The following CXCR5 variants were observed in gnomAD, a reference collection of about 807,000 sequenced individuals.
CXCR5 encodes C-X-C motif chemokine receptor 5.
Under a neutral mutation model 5.6 loss-of-function variants are expected in CXCR5, and 3 were observed. That is an observed-to-expected ratio of 0.54 (90% CI 0.24 to 1.39). The LOEUF is 1.39. Ranked by LOEUF, CXCR5 falls within the 40% of genes most tolerant of loss-of-function variation. The probability of loss-of-function intolerance (pLI) is 0.16; values close to 1 mark genes in which losing one functional copy is unlikely to be tolerated. For missense variants in CXCR5, 333 were observed against 494.6 expected (o/e 0.67, Z 3.10); for synonymous variants, 218 against 219.9 (o/e 0.99, Z 0.08).
chr11:118,891,007 T>G (rs979274165), intron 1 of CXCR5, among the ~76,000 whole-genome samples: 6 of 152,278 alleles, frequency 3.9e-5, no homozygotes, highest in East Asian at 3.9e-4. Flanking sequence ...AAGGCTGTAG[T>G]GTGCTATGGT....
At chr11:118,886,772 C>CTATA in intron 1 of CXCR5, 1 of 196,360 alleles carries the variant, frequency 5.1e-6, no homozygotes, top group Non-Finnish European at 1.1e-5. Context: ...GGGGAAGCTG[C>CTATA]TATAGCGCAC....
chr11:118,884,771 G>A (rs1329071831), intron 1 of CXCR5, among the ~76,000 whole-genome samples: 1 of 152,222 alleles, frequency 6.6e-6, no homozygotes, highest in Non-Finnish European at 1.5e-5. Flanking sequence ...AGTCTCTCCA[G>A]TGAAGCGTAG....
chr11:118,894,592 C>T lies in CXCR5; in HGVS notation c.1048C>T (p.Gln350Ter). Residue 350 changes from glutamine (Q) to a stop codon, truncating the protein, a stop_gained, in exon 2 of 2, where the codon CAG (glutamine) becomes TAG (stop). Transcript: ENST00000292174. LOFTEE classifies it high-confidence loss of function. This position sits in a 1 kb window ranked among gnomAD's most constrained non-coding sequence, Gnocchi z 6.1. Reference protein sequence around the residue: ...LGCTGPASLCQLFPSWRRSSL... With the variant: ...LGCTGPASLC ...CTGTACCGGCCCTGCCTCCCTGTGCCAGCTCTTCCCTAGCTGGCGCAGGAG... is the reference window on the plus strand; with the variant it reads ...CTGTACCGGCCCTGCCTCCCTGTGCTAGCTCTTCCCTAGCTGGCGCAGGAG... 6.5e-7 allele frequency: 1 copy of T among 1,527,268 alleles called. No individual in the cohort carries two copies. The allele number at this position is 1,527,268 out of a possible 1,614,324, so 94.6% of individuals were successfully genotyped here.
intron 1 of CXCR5, chr11:118,886,225 G>A (rs1013501561): frequency 9.7e-6 from 4 of 410,910 alleles, no homozygotes; most frequent in African/African-American, 2.1e-5. Context: ...TATTCCTTCT[G>A]CTTCCTATTC....
At chr11:118,892,104 G>GTA (rs1026958995) in intron 1 of CXCR5, among the ~76,000 whole-genome samples, 1 of 152,094 alleles carries the variant, frequency 6.6e-6, no homozygotes, top group Non-Finnish European at 1.5e-5. Context: ...GAGCATTAGA[G>GTA]TAAAGAGAAG....
chr11:118,885,374 ACCTCGTGGGGGGTCCTGCTGGGTGCAGGC>A (rs1939695217), intron 1 of CXCR5, among the ~76,000 whole-genome samples: 1 of 152,162 alleles, frequency 6.6e-6, no homozygotes. Flanking sequence ...AGAGCACTAA[ACCTCGTGGGGGGTCCTGCTGGGTGCAGGC>A]CCCCGTGTGA....
rs1244785765 is a variant in CXCR5 at position 118,895,592 on chromosome 11, G to A, written c.*929G>A. ...GGTTGTGGGCATTGATGGGGAAGGA[G>A]GCTGGCTTGTCCCCTCCTCACTCCC... is the stretch of plus-strand genomic sequence containing the variant. On this transcript the variant is annotated 3_prime_UTR_variant, in exon 2 of 2. Transcript: ENST00000292174. The surrounding 1 kb of genome is among the most constrained non-coding windows in gnomAD (Gnocchi z 4.2). 2 of 167,124 alleles carry A rather than the reference G, an allele frequency of 1.2e-5. No individual in the cohort carries two copies. Among genetic ancestry groups the A allele is most frequent in the Admixed American group, 6.5e-5 (1 of 15,290 alleles). The allele number at this position is 167,124 out of a possible 1,614,324, so 10.4% of individuals were successfully genotyped here.
chr11:118,893,952 C>G lies in CXCR5; in HGVS notation c.408C>G (p.Ser136Arg). 2 of 1,614,020 alleles carry G rather than the reference C, an allele frequency of 1.2e-6. No individual in the cohort carries two copies. Among genetic ancestry groups the G allele is most frequent in the Non-Finnish European group, 1.7e-6 (2 of 1,180,038 alleles). The change falls in exon 2 of 2, where the codon AGC becomes AGG. Residue 136 changes from serine to arginine, a missense_variant. Physicochemically the swap from Ser to Arg is moderately radical, Grantham distance 110. Coordinates refer to ENST00000292174, the MANE Select transcript of CXCR5 (RefSeq NM_001716.5). The surrounding 1 kb of genome is among the most constrained non-coding windows in gnomAD (Gnocchi z 5.7). ...TGCACAAAGTCAACTTCTACTGCAG[C>G]AGCCTGCTCCTGGCCTGCATCGCCG... ...IALHKVNFYCSSLLLACIAVD... is the reference protein window; with the variant it reads ...IALHKVNFYCRSLLLACIAVD...
At chr11:118,889,771 C>T (rs1165541839) in intron 1 of CXCR5, among the ~76,000 whole-genome samples, 2 of 152,324 alleles carry the variant, frequency 1.3e-5, no homozygotes, top group East Asian at 1.9e-4. Flanking sequence ...GAGGAAGACA[C>T]AGGCCCCTCC....
rs1218627529 is a variant in CXCR5, at chr11:118,896,909, T to C, written c.*2246T>C. The C allele has an allele frequency of 6.6e-6, 1 of 152,636 alleles. No homozygotes were observed. Among genetic ancestry groups the C allele is most frequent in the Non-Finnish European group, 1.5e-5 (1 of 68,048 alleles). The allele number at this position is 152,636 out of a possible 1,614,324, so 9.5% of individuals were successfully genotyped here. A position where few individuals can be genotyped will look rare whatever the true frequency, so the allele number is the denominator to read the frequency against. On this transcript the variant is annotated 3_prime_UTR_variant, in exon 2 of 2. Coordinates refer to ENST00000292174, the MANE Select transcript of CXCR5 (RefSeq NM_001716.5). ...AGTTTTTTTACTCCTGGGGCCAAAGTAGGGGGACAAACACCCAGTCGTATA... is the reference window on the plus strand; with the variant it reads ...AGTTTTTTTACTCCTGGGGCCAAAGCAGGGGGACAAACACCCAGTCGTATA...
chr11:118,887,766 G>T, intron 1 of CXCR5: 1 of 152,950 alleles, frequency 6.5e-6, no homozygotes, highest in Non-Finnish European at 1.5e-5. Flanking sequence ...CAGATACCCT[G>T]GCCAGCCCCA....
At position 118,894,754 on chromosome 11, in the gene CXCR5, C is replaced by G; in HGVS notation, c.*91C>G. 7.5e-7 allele frequency: 1 copy of G among 1,329,938 alleles called. No individual in the cohort carries two copies. The highest frequency in any genetic ancestry group is 1.0e-6 in the Non-Finnish European group (1 of 991,880). The allele number at this position is 1,329,938 out of a possible 1,614,324, so 82.4% of individuals were successfully genotyped here. A position where few individuals can be genotyped will look rare whatever the true frequency, so the allele number is the denominator to read the frequency against. On this transcript the variant is annotated 3_prime_UTR_variant, in exon 2 of 2. Coordinates refer to ENST00000292174, the MANE Select transcript of CXCR5 (RefSeq NM_001716.5). This position sits in a 1 kb window ranked among gnomAD's most constrained non-coding sequence, Gnocchi z 6.1. Reference sequence around the variant, plus strand: ...AACAGGAGCTGGGATCCTAAGGGCTCACCGTGGCTAAGAGTGTCCTAGGAG... The same window carrying G: ...AACAGGAGCTGGGATCCTAAGGGCTGACCGTGGCTAAGAGTGTCCTAGGAG...
Position 118,895,655 on chromosome 11 carries a change from G to A in CXCR5, c.*992G>A, listed in dbSNP as rs1056884713. 1 of 167,254 alleles carries A rather than the reference G, an allele frequency of 6.0e-6. No individual in the cohort carries two copies. The highest frequency in any genetic ancestry group is 1.9e-4 in the East Asian group (1 of 5,204). The allele number at this position is 167,254 out of a possible 1,614,324, so 10.4% of individuals were successfully genotyped here. A position where few individuals can be genotyped will look rare whatever the true frequency, so the allele number is the denominator to read the frequency against. ...ATAGACCCGAGGAAACTCAGAGTCG[G>A]AACGGAGAAAGGTGGACTGGAAGGG... On this transcript the variant is annotated 3_prime_UTR_variant, in exon 2 of 2. Coordinates refer to ENST00000292174, the MANE Select transcript of CXCR5 (RefSeq NM_001716.5). This position sits in a 1 kb window ranked among gnomAD's most constrained non-coding sequence, Gnocchi z 4.2.
rs970476872 is a variant in CXCR5 at position 118,893,155 on chromosome 11, G to A, written c.52-441G>A. Reference sequence around the variant, plus strand: ...CCACAGGCCAAGTCAGCACCCGCCCGCCCCTAGTCCCCAGCACAATGCTAA... The same window carrying A: ...CCACAGGCCAAGTCAGCACCCGCCCACCCCTAGTCCCCAGCACAATGCTAA... On this transcript the variant is annotated intron_variant, in intron 1 of 1. Coordinates refer to ENST00000292174, the MANE Select transcript of CXCR5 (RefSeq NM_001716.5). This position sits in a 1 kb window ranked among gnomAD's most constrained non-coding sequence, Gnocchi z 5.7. 7.6e-5 allele frequency among the ~76,000 whole-genome samples: 11 copies of A among 144,978 alleles called. No individual in the cohort carries two copies. The highest frequency in any genetic ancestry group is 1.5e-4 in the Non-Finnish European group (10 of 65,560).
In CXCR5 at chr11:118,896,286, T is replaced by TG. The variant is rs1939916187; in HGVS notation, c.*1623_*1624insG. 1.2e-5 allele frequency: 2 copies of TG among 163,136 alleles called. No individual in the cohort carries two copies. The highest frequency in any genetic ancestry group is 2.9e-5 in the Non-Finnish European group (2 of 67,802). The allele number at this position is 163,136 out of a possible 1,614,324, so 10.1% of individuals were successfully genotyped here. On this transcript the variant is annotated 3_prime_UTR_variant, in exon 2 of 2. Coordinates refer to ENST00000292174, the MANE Select transcript of CXCR5 (RefSeq NM_001716.5). Reference sequence around the variant, plus strand: ...CACATATTGTATTTATATATTTATATTTATATATATATTTATATAATGGTA... The same window carrying TG: ...CACATATTGTATTTATATATTTATATGTTATATATATATTTATATAATGGTA...
At position 118,891,825 on chromosome 11, in the gene CXCR5, C is replaced by T. The variant is rs545125561; in HGVS notation, c.52-1771C>T. ...GGCGGAGGTTGCAGTGAGCCGAGATCGTGCCACTGCACTCCAGCCTGGGCA... is the reference window on the plus strand; with the variant it reads ...GGCGGAGGTTGCAGTGAGCCGAGATTGTGCCACTGCACTCCAGCCTGGGCA... On this transcript the variant is annotated intron_variant, in intron 1 of 1. Transcript: ENST00000292174. Among the ~76,000 whole-genome samples, 129 of 138,686 alleles carry T rather than the reference C, an allele frequency of 9.3e-4. 1 individual carries two copies. The highest frequency in any genetic ancestry group is 3.6e-3 in the African/African-American group (128 of 35,542). The allele number at this position is 138,686 out of a possible 152,430, so 91.0% of individuals were successfully genotyped here. A position where few individuals can be genotyped will look rare whatever the true frequency, so the allele number is the denominator to read the frequency against.
Position 118,894,918 on chromosome 11 carries a change from C to T in CXCR5, c.*255C>T, listed in dbSNP as rs1245857774. The T allele has an allele frequency of 4.7e-6, 2 of 423,894 alleles. No homozygotes were observed. The highest frequency in any genetic ancestry group is 8.7e-6 in the Non-Finnish European group (2 of 230,954). The allele number at this position is 423,894 out of a possible 1,614,324, so 26.3% of individuals were successfully genotyped here. The stretch of plus-strand genomic sequence containing the variant: ...AGGCACAGTGAAGGCTGTCCTTACC[C>T]ATCTGCACCCCCCTGGGCTGAGAGA... On this transcript the variant is annotated 3_prime_UTR_variant, in exon 2 of 2. Coordinates refer to ENST00000292174, the MANE Select transcript of CXCR5 (RefSeq NM_001716.5). The surrounding 1 kb of genome is among the most constrained non-coding windows in gnomAD (Gnocchi z 6.1).
chr11:118,893,810 T>G lies in CXCR5; in HGVS notation c.266T>G (p.Phe89Cys), dbSNP rs371969699. 14 of 1,613,954 alleles carry G rather than the reference T, an allele frequency of 8.7e-6. No homozygotes were observed. The highest frequency in any genetic ancestry group is 1.2e-5 in the Non-Finnish European group (14 of 1,179,984). The change falls in exon 2 of 2, where the codon TTC (phenylalanine) becomes TGC (cysteine). Residue 89 changes from phenylalanine (F) to cysteine (C), a missense_variant. Phe to Cys is a radical substitution (Grantham distance 205). Coordinates refer to ENST00000292174, the MANE Select transcript of CXCR5 (RefSeq NM_001716.5). The surrounding 1 kb of genome is among the most constrained non-coding windows in gnomAD (Gnocchi z 5.7). ...HRQTRSSTET[F>C]LFHLAVADLL... ...CAGACACGCAGTTCCACGGAGACCT[T>G]CCTGTTCCACCTGGCCGTGGCCGAC...
chr11:118,890,877 ACACACAGT>A (rs1187642093), intron 1 of CXCR5, among the ~76,000 whole-genome samples: 1 of 152,246 alleles, frequency 6.6e-6, no homozygotes, highest in Admixed American at 6.5e-5. Context: ...CCTGTGACAC[ACACACAGT>A]CATGGGTACT....
Sources: allele counts gnomAD v4.1 joint callset (sites outside exome capture counted in the v4.1 genomes callset), GRCh38; gene constraint gnomAD v4.1.1; non-coding constraint Gnocchi (gnomAD v3.1); transcripts MANE v1.5; gene names NCBI Gene and HGNC (gene_info 2026-07-23, HGNC 2026-07-21).